PTPRN2: variants seen among roughly 807,000 people sequenced by gnomAD.
PTPRN2 encodes the protein protein tyrosine phosphatase receptor type N2.
PTPRN2 carries 74 observed loss-of-function variants against 118.8 expected under a neutral mutation model. That is an observed-to-expected ratio of 0.62 (90% CI 0.52 to 0.76). PTPRN2 has a LOEUF of 0.76. Ranked by LOEUF, PTPRN2 falls within the 30% of genes least tolerant of loss-of-function variation. The probability of loss-of-function intolerance (pLI) is 0.00; values close to 1 mark genes in which losing one functional copy is unlikely to be tolerated. For synonymous variants in PTPRN2, 641 were observed against 608.0 expected (o/e 1.05, Z -0.80); for missense variants, 1,481 against 1,394.4 (o/e 1.06, Z -0.99).
chr7:158,575,726 C>T (rs1037400672), intron 1 of PTPRN2, among the ~76,000 whole-genome samples: 7 of 152,170 alleles, frequency 4.6e-5, no homozygotes, highest in African/African-American at 1.4e-4. Flanking sequence ...GGCATAACTA[C>T]ATAAGTATCC....
rs1014904433 is a variant in PTPRN2 at position 158,445,128 on chromosome 7, T to A, written c.163+44607A>T. Among the ~76,000 whole-genome samples the A allele has an allele frequency of 2.6e-5, 4 of 152,170 alleles. 1 individual carries two copies. Among genetic ancestry groups the A allele is most frequent in the Non-Finnish European group, 4.4e-5 (3 of 68,024 alleles). On this transcript the variant is annotated intron_variant, in intron 2 of 22. Coordinates refer to ENST00000389418, the MANE Select transcript of PTPRN2 (RefSeq NM_002847.5). Reference sequence around the variant, plus strand: ...GGGCAAGAGCCTCCTCCCAGGCATGTCCCAGCCTCAGGGCTTTGTCTCCAG... The same window carrying A: ...GGGCAAGAGCCTCCTCCCAGGCATGACCCAGCCTCAGGGCTTTGTCTCCAG...
At chr7:158,541,795 G>A (rs1055055786) in intron 1 of PTPRN2, 4 of 952,102 alleles carry the variant, frequency 4.2e-6, no homozygotes, top group Non-Finnish European at 5.0e-6. Flanking sequence ...GAGGAGAAGG[G>A]GCCAAGGCCG....
intron 12 of PTPRN2, among the ~76,000 whole-genome samples, chr7:157,758,637 G>A (rs893099619): frequency 6.6e-6 from 1 of 152,228 alleles, no homozygotes; most frequent in Non-Finnish European, 1.5e-5. Flanking sequence ...CCTGGAGGAC[G>A]GGACTGGCAT....
intron 2 of PTPRN2, among the ~76,000 whole-genome samples, chr7:158,466,839 A>G (rs1219959495): frequency 6.6e-6 from 1 of 152,114 alleles, no homozygotes; most frequent in East Asian, 1.9e-4. Flanking sequence ...TCAGGAGCTC[A>G]AGACCAGCCT....
intron 12 of PTPRN2, among the ~76,000 whole-genome samples, chr7:157,878,906 A>G (rs376977422): frequency 1.2e-4 from 13 of 112,320 alleles, no homozygotes; most frequent in African/African-American, 3.1e-4. Flanking sequence ...ATGCACCCAC[A>G]CTTACTCACC....
In PTPRN2 at chr7:157,576,714, G is replaced by C. The variant is rs1800068624; in HGVS notation, c.2682C>G (p.Asn894Lys). The change falls in exon 19 of 23, where the codon AAC (asparagine) becomes AAG (lysine). Residue 894 changes from asparagine to lysine, a missense_variant. Physicochemically the swap from Asn to Lys is moderately conservative, Grantham distance 94 (BLOSUM62 0). Coordinates refer to ENST00000389418, the MANE Select transcript of PTPRN2 (RefSeq NM_002847.5). The part of the protein sequence containing the change: ...DFLVRSFYLK[N>K]LQTNETRTVT... ...CGGTGCGCGTCTCGTTGGTCTGCAGGTTCTTCAGATAGAAGCTCCTCACCA... is the reference window on the plus strand; with the variant it reads ...CGGTGCGCGTCTCGTTGGTCTGCAGCTTCTTCAGATAGAAGCTCCTCACCA... 1.9e-6 allele frequency: 3 copies of C among 1,610,214 alleles called. No individual in the cohort carries two copies. Among genetic ancestry groups the C allele is most frequent in the Non-Finnish European group, 2.5e-6 (3 of 1,177,884 alleles).
intron 2 of PTPRN2, among the ~76,000 whole-genome samples, chr7:158,347,051 T>C (rs2151254812): frequency 6.6e-6 from 1 of 152,332 alleles, no homozygotes; most frequent in Admixed American, 6.5e-5. Context: ...CATCCTTAGG[T>C]TGTCTGTGCA....
rs75138040 is a variant in PTPRN2 at position 157,795,401 on chromosome 7, G to A, written c.1788+103272C>T. ...CGACTCCACATGGGGCCTCAGCACC[G>A]TCTGTTTGCTCACCCTCCCCAGGGG... On this transcript the variant is annotated intron_variant, in intron 12 of 22. Coordinates refer to ENST00000389418, the MANE Select transcript of PTPRN2 (RefSeq NM_002847.5). Among the ~76,000 whole-genome samples the A allele has an allele frequency of 4.8e-3, 733 of 152,348 alleles. 10 individuals are homozygous for A. Among genetic ancestry groups the A allele is most frequent in the African/African-American group, 0.016 (684 of 41,592 alleles).
intron 22 of PTPRN2, among the ~76,000 whole-genome samples, chr7:157,544,945 GGTGTGTGGAT>G (rs1275683978): frequency 2.4e-5 from 3 of 127,246 alleles, no homozygotes; most frequent in African/African-American, 8.5e-5. Context: ...TGTACAGGTG[GGTGTGTGGAT>G]GTGTGTGGGG....
intron 14 of PTPRN2, among the ~76,000 whole-genome samples, chr7:157,631,666 G>C (rs908868989): frequency 6.7e-6 from 1 of 149,756 alleles, no homozygotes; most frequent in Non-Finnish European, 1.5e-5. Context: ...CCCCGTCTCT[G>C]CTAAAAATAC....
At chr7:157,613,076 C>T (rs1436664635) in intron 15 of PTPRN2, among the ~76,000 whole-genome samples, 1 of 151,400 alleles carries the variant, frequency 6.6e-6, no homozygotes, top group Non-Finnish European at 1.5e-5. Flanking sequence ...AGCCCTGCGG[C>T]TGAACAGGGC....
chr7:158,502,021 C>A, intron 1 of PTPRN2, among the ~76,000 whole-genome samples: 1 of 152,130 alleles, frequency 6.6e-6, no homozygotes, highest in East Asian at 1.9e-4. Context: ...AAAGCCGTCA[C>A]GGAGTAAAAC....
intron 3 of PTPRN2, among the ~76,000 whole-genome samples, chr7:158,222,108 T>C (rs1170418900): frequency 6.6e-6 from 1 of 152,202 alleles, no homozygotes; most frequent in Non-Finnish European, 1.5e-5. Flanking sequence ...GAACAGGGAA[T>C]GCTTATACAC....
chr7:157,813,763 C>T lies in PTPRN2; in HGVS notation c.1788+84910G>A, dbSNP rs1472645154. Among the ~76,000 whole-genome samples the T allele has an allele frequency of 6.6e-6, 1 of 152,218 alleles. No individual in the cohort carries two copies. Among genetic ancestry groups the T allele is most frequent in the Admixed American group, 6.5e-5 (1 of 15,290 alleles). Reference sequence around the variant, plus strand: ...CCTGCGTGTGGCTGTCTACACAGCACGCATTCCTTACCCCGGTGGTTTTCA... The same window carrying T: ...CCTGCGTGTGGCTGTCTACACAGCATGCATTCCTTACCCCGGTGGTTTTCA... On this transcript the variant is annotated intron_variant, in intron 12 of 22. Transcript: ENST00000389418. This position sits in a 1 kb window ranked among gnomAD's most constrained non-coding sequence, Gnocchi z 4.7.
chr7:157,880,852 A>G (rs6951655), intron 12 of PTPRN2, among the ~76,000 whole-genome samples: 26,342 of 152,246 alleles, frequency 0.17, 2,382 homozygotes, highest in East Asian at 0.21. Flanking sequence ...GGTGCAGGAA[A>G]ATGGCATAGA....
At chr7:158,269,676 C>T (rs1415169456) in intron 3 of PTPRN2, among the ~76,000 whole-genome samples, 1 of 151,972 alleles carries the variant, frequency 6.6e-6, no homozygotes, top group African/African-American at 2.4e-5. Context: ...GGTGGTTCTG[C>T]CAGGGCCCAG....
intron 1 of PTPRN2, among the ~76,000 whole-genome samples, chr7:158,492,138 G>A (rs1437739743): frequency 6.6e-6 from 1 of 152,236 alleles, no homozygotes; most frequent in Non-Finnish European, 1.5e-5. Flanking sequence ...GAGGCGCACA[G>A]AGAAGGAGCT....
rs555336361 is a variant in PTPRN2, at chr7:158,247,278, C to T, written c.278-42005G>A. On this transcript the variant is annotated intron_variant, in intron 3 of 22. Transcript: ENST00000389418. ...AAGAGGGGTGGAGGAAGGGGGCAGG[C>T]GCCAGGATCTGGAAGGAGATTTCCA... 3.1e-4 allele frequency among the ~76,000 whole-genome samples: 47 copies of T among 152,310 alleles called. 1 individual carries two copies. The highest frequency in any genetic ancestry group is 7.7e-4 in the East Asian group (4 of 5,168).
intron 12 of PTPRN2, among the ~76,000 whole-genome samples, chr7:157,700,290 C>T (rs1192022636): frequency 6.6e-6 from 1 of 152,156 alleles, no homozygotes; most frequent in East Asian, 1.9e-4. Context: ...AAGGCCATTT[C>T]AAAAGAGTAG....
Sources: gnomAD v4.1 joint callset for allele counts (sites outside exome capture counted in the v4.1 genomes callset) on GRCh38, gnomAD v4.1.1 for gene constraint, Gnocchi (gnomAD v3.1) non-coding constraint, MANE v1.5 for transcripts, NCBI Gene and HGNC (gene_info 2026-07-23, HGNC 2026-07-21) for gene names.